The following IL1RAPL2 variants were observed in gnomAD, a reference collection of about 807,000 sequenced individuals.
IL1RAPL2 encodes the protein interleukin 1 receptor accessory protein like 2.
A neutral mutation model predicts 44.1 loss-of-function variants in IL1RAPL2; 3 were observed. The ratio of observed to expected loss-of-function variants is 0.07; its 90% confidence interval spans 0.03 to 0.18. The LOEUF (loss-of-function observed/expected upper bound fraction) is 0.18. Among genes scored for constraint, IL1RAPL2 ranks in the 10% least tolerant of loss-of-function variants. The pLI is 1.00. For synonymous variants in IL1RAPL2, 181 were observed against 178.8 expected (o/e 1.01, Z -0.10); for missense variants, 391 against 496.4 (o/e 0.79, Z 2.02).
chrX:104,912,601 A>C (rs369061882), intron 2 of IL1RAPL2, among the ~76,000 whole-genome samples: 1 of 111,583 alleles, frequency 9.0e-6, no homozygotes, highest in South Asian at 3.8e-4. Context: ...CTTTCCTTTC[A>C]GAGGTAGGAA....
At chrX:105,600,499 CAATT>C (rs1474378260) in intron 6 of IL1RAPL2, among the ~76,000 whole-genome samples, 5 of 107,592 alleles carry the variant, frequency 4.6e-5, no homozygotes, top group South Asian at 4.0e-4. Context: ...TCTTAACTAT[CAATT>C]AATAATGAGT....
At chrX:105,242,723 A>G (rs1355454361) in intron 4 of IL1RAPL2, among the ~76,000 whole-genome samples, 1 of 111,911 alleles carries the variant, frequency 8.9e-6, no homozygotes, top group Non-Finnish European at 1.9e-5. Flanking sequence ...ACAAAAACAA[A>G]ACAAAAAAAA....
intron 6 of IL1RAPL2, among the ~76,000 whole-genome samples, chrX:105,533,539 A>G (rs2036655391): frequency 8.9e-6 from 1 of 112,128 alleles, no homozygotes; most frequent in African/African-American, 3.2e-5. Flanking sequence ...TACCACCACA[A>G]TCAAGGTATT....
intron 6 of IL1RAPL2, among the ~76,000 whole-genome samples, chrX:105,692,929 G>A (rs2038047677): frequency 9.0e-6 from 1 of 111,386 alleles, no homozygotes; most frequent in African/African-American, 3.3e-5. Context: ...CCCTCAAAAC[G>A]TAGTGAACTA....
At chrX:105,065,902 T>G (rs1390215084) in intron 2 of IL1RAPL2, among the ~76,000 whole-genome samples, 1 of 111,568 alleles carries the variant, frequency 9.0e-6, no homozygotes, top group Non-Finnish European at 1.9e-5. Flanking sequence ...TTTATCTCTC[T>G]CCCTTCCCCT....
chrX:105,372,312 T>C (rs1028507059), intron 5 of IL1RAPL2, among the ~76,000 whole-genome samples: 1 of 108,882 alleles, frequency 9.2e-6, no homozygotes, highest in African/African-American at 3.4e-5. Flanking sequence ...GGTGCATGCC[T>C]GTAATCCCAG....
At chrX:105,395,627 A>T (rs2035556541) in intron 5 of IL1RAPL2, among the ~76,000 whole-genome samples, 2 of 110,891 alleles carry the variant, frequency 1.8e-5, no homozygotes, top group Admixed American at 1.9e-4. Context: ...GAAATAAAAG[A>T]TGTGGTTTGA....
At chrX:104,574,963 A>G (rs1016895737) in intron 1 of IL1RAPL2, among the ~76,000 whole-genome samples, 5 of 112,010 alleles carry the variant, frequency 4.5e-5, no homozygotes, top group African/African-American at 1.3e-4. Context: ...TACAGTGAGA[A>G]TAATACAAGC....
At chrX:105,383,740 C>T (rs921083940) in intron 5 of IL1RAPL2, among the ~76,000 whole-genome samples, 2 of 112,060 alleles carry the variant, frequency 1.8e-5, no homozygotes, top group Admixed American at 9.5e-5. Context: ...AGTATAGAAG[C>T]GTTGCCCTTT....
At chrX:105,652,869 T>C (rs2037650820) in intron 6 of IL1RAPL2, among the ~76,000 whole-genome samples, 1 of 111,144 alleles carries the variant, frequency 9.0e-6, no homozygotes, top group African/African-American at 3.3e-5. Context: ...AACATAGTAC[T>C]GTATGGAAGG....
At chrX:105,179,241 G>A (rs1392137837) in intron 2 of IL1RAPL2, among the ~76,000 whole-genome samples, 1 of 112,109 alleles carries the variant, frequency 8.9e-6, no homozygotes, top group Non-Finnish European at 1.9e-5. Context: ...ATTTATTGAA[G>A]AGGGTGTTCT....
intron 6 of IL1RAPL2, among the ~76,000 whole-genome samples, chrX:105,676,492 A>G (rs1263873065): frequency 2.7e-5 from 3 of 111,851 alleles, no homozygotes; most frequent in African/African-American, 9.7e-5. Flanking sequence ...ATCAGACTCA[A>G]TAGAATCCGC....
chrX:105,734,074 C>T (rs1334525513), intron 7 of IL1RAPL2, among the ~76,000 whole-genome samples: 1 of 110,826 alleles, frequency 9.0e-6, no homozygotes. Flanking sequence ...CTTGTCTCCA[C>T]TGTCTTGTTT....
chrX:104,667,693 A>G (rs1308409676), intron 2 of IL1RAPL2, among the ~76,000 whole-genome samples: 8 of 111,579 alleles, frequency 7.2e-5, no homozygotes, highest in Non-Finnish European at 1.3e-4. Flanking sequence ...CATTTTAAAG[A>G]TGAGAAAACT....
intron 2 of IL1RAPL2, among the ~76,000 whole-genome samples, chrX:104,929,463 G>C (rs907977835): frequency 9.0e-6 from 1 of 111,600 alleles, no homozygotes; most frequent in African/African-American, 3.3e-5. Context: ...TCAGAGCTTT[G>C]CTTGCCAATG....
intron 5 of IL1RAPL2, among the ~76,000 whole-genome samples, chrX:105,320,457 G>A (rs957587870): frequency 1.8e-5 from 2 of 111,639 alleles, no homozygotes; most frequent in African/African-American, 6.5e-5. Flanking sequence ...GAAGACTATT[G>A]GTAACACTCA....
At chrX:105,646,759 T>C (rs145356676) in intron 6 of IL1RAPL2, among the ~76,000 whole-genome samples, 128 of 111,323 alleles carry the variant, frequency 1.1e-3, no homozygotes, top group African/African-American at 4.0e-3. Flanking sequence ...CTGTGAGGAG[T>C]GTACTTGAGT....
At chrX:105,646,547 A>G (rs1395923321) in intron 6 of IL1RAPL2, among the ~76,000 whole-genome samples, 1 of 111,837 alleles carries the variant, frequency 8.9e-6, no homozygotes, top group Non-Finnish European at 1.9e-5. Context: ...TCAATCACTG[A>G]ATACCTATTT....
At chrX:105,670,142 T>TATATATATATATATATATATAAAA (rs1365896538) in intron 6 of IL1RAPL2, among the ~76,000 whole-genome samples, 4 of 52,975 alleles carry the variant, frequency 7.6e-5, no homozygotes, top group African/African-American at 3.0e-4. Flanking sequence ...TATATATATA[T>TATATATATATATATATATATAAAA]ATATATCTCC....
Sources: gnomAD v4.1 joint callset for allele counts (sites outside exome capture counted in the v4.1 genomes callset) on GRCh38, gnomAD v4.1.1 for gene constraint, MANE v1.5 for transcripts, NCBI Gene and HGNC (gene_info 2026-07-23, HGNC 2026-07-21) for gene names.